Variants in MYOM3 observed in about 807,000 individuals in gnomAD.
The protein encoded by MYOM3 is myomesin-3.
In MYOM3, 155 loss-of-function variants were observed where a neutral mutation model predicts 191.7. The ratio of observed to expected loss-of-function variants is 0.81; its 90% CI spans 0.71 to 0.92. The LOEUF (loss-of-function observed/expected upper bound fraction) is 0.92, where lower values mean the gene tolerates loss of function less well. Among genes scored for constraint, MYOM3 ranks in the 40% least tolerant of loss-of-function variants. The pLI is 0.00. For synonymous variants in MYOM3, 757 were observed against 762.9 expected, an observed-to-expected ratio of 0.99 and a Z score of 0.13; for missense variants, 1,889 against 1,890.6, an observed-to-expected ratio of 1.00 and a Z score of 0.02.
intron 25 of MYOM3, among the ~76,000 whole-genome samples, chr1:24,068,793 G>A (rs764043670): frequency 6.6e-6 from 1 of 151,706 alleles, no homozygotes; most frequent in African/African-American, 2.4e-5. Context: ...GCGCAATCTC[G>A]GCTCACTGCA....
chr1:24,060,194 T>C (rs1643352829), intron 35 of MYOM3, among the ~76,000 whole-genome samples: 1 of 152,154 alleles, frequency 6.6e-6, no homozygotes, highest in East Asian at 1.9e-4. Flanking sequence ...CCTCGTGGCC[T>C]GAGGCTGAGG....
intron 18 of MYOM3, 118 bp from the exon 19 acceptor site, chr1:24,081,574 A>T: frequency 8.1e-7 from 1 of 1,227,182 alleles, no homozygotes; most frequent in Non-Finnish European, 1.1e-6. Flanking sequence ...TTTTATTTTT[A>T]TTTTTTGAGA....
At chr1:24,062,232 G>A in intron 32 of MYOM3, 123 bp from the exon 33 acceptor site, 1 of 945,682 alleles carries the variant, frequency 1.1e-6, no homozygotes, top group South Asian at 1.6e-5. Context: ...TGACTATGAG[G>A]CACCAGATAA....
intron 5 of MYOM3, among the ~76,000 whole-genome samples, chr1:24,100,543 C>G (rs1000775880): frequency 3.3e-5 from 5 of 152,196 alleles, no homozygotes; most frequent in African/African-American, 1.2e-4. Flanking sequence ...CTGAGGATGG[C>G]TATTCTTCAT....
intron 36 of MYOM3, 36 bp downstream of exon 36, chr1:24,058,888 G>A (rs1419887646): frequency 1.3e-6 from 2 of 1,517,514 alleles, no homozygotes; most frequent in African/African-American, 1.4e-5. Flanking sequence ...GAACACAGAG[G>A]GGGACTGCTG....
At chr1:24,070,836 G>T (rs889949647) in intron 25 of MYOM3, among the ~76,000 whole-genome samples, 1 of 152,128 alleles carries the variant, frequency 6.6e-6, no homozygotes, top group Admixed American at 6.5e-5. Context: ...TGTCTGGTGG[G>T]GTAATCAGAA....
At chr1:24,108,238 C>T in intron 2 of MYOM3, 165 bp from the exon 3 acceptor site, 1 of 752,914 alleles carries the variant, frequency 1.3e-6, no homozygotes, top group Admixed American at 2.9e-5. Context: ...CCCCCCGACC[C>T]TGAATGTGCT....
intron 17 of MYOM3, 200 bp downstream of exon 17, chr1:24,082,393 G>T: frequency 1.1e-6 from 1 of 898,716 alleles, no homozygotes; most frequent in South Asian, 2.0e-5. Context: ...CCCCAGAGCT[G>T]CTCAGGCCCC....
At chr1:24,065,799 G>T in intron 29 of MYOM3, 92 bp downstream of exon 29, 1 of 953,738 alleles carries the variant, frequency 1.0e-6, no homozygotes, top group Non-Finnish European at 1.7e-6. Context: ...ACCTAGCCTC[G>T]GCCCTGCCCT....
At chr1:24,067,383 T>TTTC (rs1643459458) in intron 27 of MYOM3, among the ~76,000 whole-genome samples, 1 of 105,514 alleles carries the variant, frequency 9.5e-6, no homozygotes, top group African/African-American at 3.9e-5. Context: ...CTTCTTTCTT[T>TTTC]CTTTTTCCTT....
In MYOM3 at chr1:24,089,869, A is replaced by G. The variant is rs560171781; in HGVS notation, c.1486+196T>C. ...ACTGCTCTGGCCAGGACTTTTCCCAATGTGTTCCCTCCTCCAGGAGGGCCA... is the reference window on the plus strand; with the variant it reads ...ACTGCTCTGGCCAGGACTTTTCCCAGTGTGTTCCCTCCTCCAGGAGGGCCA... On this transcript the variant is annotated intron_variant, in intron 13 of 36. Transcript: ENST00000374434. Among the ~76,000 whole-genome samples the G allele has an allele frequency of 5.3e-5, 8 of 152,034 alleles. No homozygotes were observed. In the East Asian group the frequency reaches 1.4e-3, roughly 26 times the overall value.
At chr1:24,081,551 G>T in intron 18 of MYOM3, 95 bp from the exon 19 acceptor site, 3 of 1,427,842 alleles carry the variant, frequency 2.1e-6, no homozygotes, top group Non-Finnish European at 2.9e-6. Flanking sequence ...CAGGTGGTCT[G>T]TGGGGGCTTT....
rs1003671245 is a variant in MYOM3, at chr1:24,108,374, C to T, written c.161+102G>A. On this transcript the variant is annotated intron_variant, in intron 2 of 36. Coordinates refer to ENST00000374434, the MANE Select transcript of MYOM3 (RefSeq NM_152372.4). ...TCAGAAAGCAGGGATGTCCCTCCCC[C>T]CATCAGGTTGGAGCCTCCAGAGGGC... is the stretch of plus-strand genomic sequence containing the variant. The T allele has an allele frequency of 2.4e-4, 301 of 1,252,398 alleles. 1 individual carries two copies. In the Middle Eastern group the frequency reaches 2.8e-3, roughly 12 times the overall value. The allele number at this position is 1,252,398 out of a possible 1,614,324, so 77.6% of individuals were successfully genotyped here.
intron 13 of MYOM3, 109 bp from the exon 14 acceptor site, chr1:24,089,774 G>A: frequency 7.5e-7 from 1 of 1,325,140 alleles, no homozygotes; most frequent in Non-Finnish European, 1.0e-6. Flanking sequence ...ATCCCCCAGA[G>A]AGGGGCAGTA....
chr1:24,107,358 T>G, intron 3 of MYOM3, 126 bp from the exon 4 acceptor site: 1 of 842,192 alleles, frequency 1.2e-6, no homozygotes, highest in East Asian at 2.9e-5. Context: ...ATGCATGATT[T>G]TGCATCTTCC....
chr1:24,091,530 G>A (rs1643829779), intron 11 of MYOM3, among the ~76,000 whole-genome samples: 1 of 152,206 alleles, frequency 6.6e-6, no homozygotes, highest in Non-Finnish European at 1.5e-5. Flanking sequence ...GTCGTCACAT[G>A]TGGGTCCAAG....
In MYOM3 at chr1:24,091,010, G is replaced by GC. The variant is rs150164065; in HGVS notation, c.1233-15dup. On this transcript the variant is annotated splice_polypyrimidine_tract_variant and intron_variant, in intron 11 of 36. Coordinates refer to ENST00000374434, the MANE Select transcript of MYOM3 (RefSeq NM_152372.4). ...TCGCCCTGGCACCTGTTGGAGACAG[G>GC]CCCCCCCTTTCAGCCCCTGCCCACA... 76 of 1,613,058 alleles carry GC rather than the reference G, an allele frequency of 4.7e-5. No homozygotes were observed. Among genetic ancestry groups the GC allele is most frequent in the Middle Eastern group, 1.7e-4 (1 of 6,050 alleles).
At chr1:24,092,147 C>T (rs773919378) in intron 11 of MYOM3, 27 bp downstream of exon 11, 7 of 1,434,230 alleles carry the variant, frequency 4.9e-6, no homozygotes, top group Non-Finnish European at 6.4e-6. Flanking sequence ...ACCCCTAGGG[C>T]CTCTGCCACT....
At chr1:24,090,775 C>T (rs756889967) in intron 12 of MYOM3, 22 bp downstream of exon 12, 36 of 1,611,926 alleles carry the variant, frequency 2.2e-5, no homozygotes, top group East Asian at 4.5e-5. Context: ...TCTAGAAAGT[C>T]GCTTAGGACC....
Sources: allele counts gnomAD v4.1 joint callset (sites outside exome capture counted in the v4.1 genomes callset), GRCh38; gene constraint gnomAD v4.1.1; transcripts MANE v1.5; gene names NCBI Gene and HGNC (gene_info 2026-07-23, HGNC 2026-07-21).